NOX4: variants seen among roughly 807,000 people sequenced by gnomAD.
NOX4 encodes NADPH oxidase 4, also known as kidney oxidase-1.
NOX4 carries 69 observed loss-of-function variants against 87.6 expected under a neutral mutation model. The ratio of observed to expected loss-of-function variants is 0.79; its 90% confidence interval spans 0.65 to 0.96. The LOEUF is 0.96. Ranked by LOEUF, NOX4 falls within the 40% of genes least tolerant of loss-of-function variation. The pLI, the probability that NOX4 is intolerant of heterozygous loss-of-function variation, is 0.00. For synonymous variants in NOX4, 275 were observed against 238.2 expected, an observed-to-expected ratio of 1.15 and a Z score of -1.42; for missense variants, 680 against 681.5, an observed-to-expected ratio of 1.00 and a Z score of 0.02.
chr11:89,556,375 T>C, the NOX4 span, among the ~76,000 whole-genome samples: 1 of 152,074 alleles, frequency 6.6e-6, no homozygotes, highest in South Asian at 2.1e-4. Flanking sequence ...ATACAAAAAT[T>C]AGCTGGGCAT....
the NOX4 span, among the ~76,000 whole-genome samples, chr11:89,507,531 C>T: frequency 2.0e-5 from 3 of 150,852 alleles, no homozygotes; most frequent in Non-Finnish European, 3.0e-5. Context: ...GCAATATATA[C>T]ATATATATTG....
chr11:89,409,003 T>C (rs1280348458), intron 8 of NOX4, among the ~76,000 whole-genome samples: 1 of 152,062 alleles, frequency 6.6e-6, no homozygotes, highest in Non-Finnish European at 1.5e-5. Context: ...AAATAGGTCA[T>C]TTCCCTAAGT....
chr11:89,527,472 G>C, the NOX4 span, among the ~76,000 whole-genome samples: 1 of 152,176 alleles, frequency 6.6e-6, no homozygotes, highest in Non-Finnish European at 1.5e-5. Flanking sequence ...CTTTATAGCA[G>C]CCCCCACATC....
At chr11:89,444,653 A>G (rs1401081888) in intron 4 of NOX4, among the ~76,000 whole-genome samples, 12 of 152,076 alleles carry the variant, frequency 7.9e-5, no homozygotes, top group Admixed American at 7.9e-4. Context: ...CAAATCTGCT[A>G]TTAATACATA....
At chr11:89,414,895 T>C (rs1003873992) in intron 8 of NOX4, among the ~76,000 whole-genome samples, 3 of 151,780 alleles carry the variant, frequency 2.0e-5, no homozygotes, top group African/African-American at 7.3e-5. Flanking sequence ...AATAGAAAAA[T>C]ATATCCTAGA....
the NOX4 span, among the ~76,000 whole-genome samples, chr11:89,586,931 T>G: frequency 4.6e-5 from 7 of 152,190 alleles, no homozygotes; most frequent in East Asian, 1.4e-3. Flanking sequence ...AACTAGCAAT[T>G]AGGTGACTGA....
chr11:89,343,800 T>C lies in NOX4; in HGVS notation c.1218-1607A>G, dbSNP rs1484758398. On this transcript the variant is annotated intron_variant, in intron 13 of 17. Coordinates refer to ENST00000263317, the MANE Select transcript of NOX4 (RefSeq NM_016931.5). ...CATAGTAGAGATGAAATCAACTTCATATATTTTTAAATTTCTGTTGATAAC... is the reference window on the plus strand; with the variant it reads ...CATAGTAGAGATGAAATCAACTTCACATATTTTTAAATTTCTGTTGATAAC... Among the ~76,000 whole-genome samples the C allele has an allele frequency of 5.3e-5, 8 of 152,250 alleles. No homozygotes were observed. In the East Asian group the frequency reaches 1.5e-3, roughly 29 times the overall value.
At chr11:89,454,135 A>G (rs1945085011) in intron 2 of NOX4, among the ~76,000 whole-genome samples, 2 of 152,088 alleles carry the variant, frequency 1.3e-5, no homozygotes, top group Non-Finnish European at 1.5e-5. Flanking sequence ...TAGCATAATT[A>G]TTCTGTTACT....
intron 11 of NOX4, among the ~76,000 whole-genome samples, chr11:89,397,244 G>A (rs1243200626): frequency 6.6e-6 from 1 of 152,126 alleles, no homozygotes; most frequent in Non-Finnish European, 1.5e-5. Flanking sequence ...AATGAAGGCA[G>A]AAATAAAGAT....
At chr11:89,405,694 G>A (rs116772818) in intron 8 of NOX4, among the ~76,000 whole-genome samples, 2,682 of 146,764 alleles carry the variant, frequency 0.018, 81 homozygotes, top group African/African-American at 0.065. Flanking sequence ...GGTACTGAAA[G>A]TTCACTGGAA....
intron 12 of NOX4, among the ~76,000 whole-genome samples, chr11:89,359,958 T>C (rs1938390582): frequency 6.6e-6 from 1 of 152,082 alleles, no homozygotes; most frequent in South Asian, 2.1e-4. Flanking sequence ...TTGCCAGTTT[T>C]AATTTTTTTT....
the NOX4 span, among the ~76,000 whole-genome samples, chr11:89,558,646 C>G: frequency 1.3e-5 from 2 of 152,142 alleles, no homozygotes; most frequent in African/African-American, 4.8e-5. Flanking sequence ...ATTTTCATTT[C>G]TACATTGAGC....
intron 7 of NOX4, among the ~76,000 whole-genome samples, chr11:89,426,974 G>C (rs1026873969): frequency 1.3e-5 from 2 of 152,160 alleles, no homozygotes; most frequent in Non-Finnish European, 2.9e-5. Flanking sequence ...GCACTCCCCA[G>C]TAGGGGCAGA....
At chr11:89,458,046 AG>A (rs1945285821) in intron 2 of NOX4, among the ~76,000 whole-genome samples, 2 of 151,016 alleles carry the variant, frequency 1.3e-5, no homozygotes, top group African/African-American at 5.0e-5. Context: ...TCACAGAATT[AG>A]AAAAAAAACT....
chr11:89,340,552 G>A (rs1035612428), intron 14 of NOX4, among the ~76,000 whole-genome samples: 1 of 152,164 alleles, frequency 6.6e-6, no homozygotes, highest in Non-Finnish European at 1.5e-5. Flanking sequence ...TCAACTTTCA[G>A]TGAATTCTAT....
At chr11:89,470,100 T>G (rs372942696) in intron 2 of NOX4, among the ~76,000 whole-genome samples, 8 of 143,352 alleles carry the variant, frequency 5.6e-5, no homozygotes, top group Non-Finnish European at 1.1e-4. Context: ...ATAATAATAA[T>G]AAGATACCTA....
intron 4 of NOX4, among the ~76,000 whole-genome samples, chr11:89,448,617 C>A (rs1354646132): frequency 6.6e-6 from 1 of 152,102 alleles, no homozygotes; most frequent in East Asian, 1.9e-4. Context: ...TACAGTGGCA[C>A]CCGCCTATAA....
At chr11:89,514,229 A>G in the NOX4 span, among the ~76,000 whole-genome samples, 1 of 152,100 alleles carries the variant, frequency 6.6e-6, no homozygotes, top group East Asian at 1.9e-4. Flanking sequence ...TTTAAATAAA[A>G]TTTATTTCTA....
At chr11:89,584,085 G>A in the NOX4 span, among the ~76,000 whole-genome samples, 257 of 152,148 alleles carry the variant, frequency 1.7e-3, no homozygotes, top group Non-Finnish European at 2.7e-3. Context: ...CTCCTCTTGG[G>A]TAGTGAATTC....
Sources: gnomAD v4.1 joint callset for allele counts (sites outside exome capture counted in the v4.1 genomes callset) on GRCh38, gnomAD v4.1.1 for gene constraint, MANE v1.5 for transcripts, NCBI Gene and HGNC (gene_info 2026-07-23, HGNC 2026-07-21) for gene names.